Variants in RSL1D1 observed in about 807,000 individuals in gnomAD.
RSL1D1 encodes ribosomal L1 domain-containing protein 1.
Under a neutral mutation model 44.6 loss-of-function variants are expected in RSL1D1, and 34 were observed. The observed-to-expected ratio is 0.76, with a 90% confidence interval of 0.58 to 1.02. The LOEUF is 1.02. Ranked by LOEUF, RSL1D1 falls within the 50% of genes least tolerant of loss-of-function variation. The pLI, the probability that RSL1D1 is intolerant of heterozygous loss-of-function variation, is 0.00. For missense variants in RSL1D1, 767 were observed against 568.1 expected (o/e 1.35, Z -3.56); for synonymous variants, 271 against 207.4 (o/e 1.31, Z -2.63).
At position 11,839,933 on chromosome 16, in the gene RSL1D1, T is replaced by A. The variant is rs760774384; in HGVS notation, c.908A>T (p.Lys303Met). Residue 303 changes from lysine to methionine, a missense_variant, in exon 8 of 9, where the codon AAG becomes ATG. Physicochemically the swap from Lys to Met is moderately conservative, Grantham distance 95. Transcript: ENST00000571133. ...CTTCCTAGCCTGCTGCCTCTTCTTC[T>A]TCCTCTCCTTTTGTTTTTCAAAATT... ...ERNFEKQKER[K>M]KKRQQARKTA... 6.2e-7 allele frequency: 1 copy of A among 1,613,490 alleles called. No individual in the cohort carries two copies. The highest frequency in any genetic ancestry group is 8.5e-7 in the Non-Finnish European group (1 of 1,179,840).
At chr16:11,838,141 T>A (rs763366241) in intron 8 of RSL1D1, 28 bp from the exon 9 acceptor site, 5 of 1,522,238 alleles carry the variant, frequency 3.3e-6, no homozygotes, top group Admixed American at 2.2e-5. Context: ...AAGTTTAATA[T>A]AGAAAAAGCC....
chr16:11,835,764 AAAGCTGAGTGTTGGGAG>A lies in RSL1D1; in HGVS notation c.*2006_*2022del, dbSNP rs2053711823. 6.6e-6 allele frequency: 1 copy of A among 152,458 alleles called. No homozygotes were observed. The highest frequency in any genetic ancestry group is 1.5e-5 in the Non-Finnish European group (1 of 68,242). The allele number at this position is 152,458 out of a possible 1,614,324, so 9.4% of individuals were successfully genotyped here. A position where few individuals can be genotyped will look rare whatever the true frequency, so the allele number is the denominator to read the frequency against. ...CCAAAGTGCTGGGATTATGTTGCGA[AAAGCTGAGTGTTGGGAG>A]AAGCTGAGGCAGGGCTTGCATTCTG... On this transcript the variant is annotated 3_prime_UTR_variant, in exon 9 of 9. Coordinates refer to ENST00000571133, the MANE Select transcript of RSL1D1 (RefSeq NM_015659.3).
chr16:11,851,105 C>A lies in RSL1D1; in HGVS notation c.105+303G>T, dbSNP rs184891831. 3,222 of 447,740 alleles carry A rather than the reference C, an allele frequency of 7.2e-3. 21 individuals carry two copies. Among genetic ancestry groups the A allele is most frequent in the Non-Finnish European group, 0.01 (2,454 of 240,948 alleles). 27.7% of individuals were successfully genotyped at this position (447,740 alleles called of 1,614,324 possible). A position where few individuals can be genotyped will look rare whatever the true frequency, so the allele number is the denominator to read the frequency against. ...CTTTAAATAACGGGTAACAGACCTG[C>A]AAAACTAAGCGATTCGGTCAAGCGC... On this transcript the variant is annotated intron_variant, in intron 1 of 8. Transcript: ENST00000571133.
intron 3 of RSL1D1, among the ~76,000 whole-genome samples, chr16:11,847,232 G>A (rs944240819): frequency 3.3e-5 from 5 of 152,066 alleles, no homozygotes; most frequent in Admixed American, 6.6e-5. Context: ...AAAATTAGCC[G>A]GGCATGATGG....
In RSL1D1 at chr16:11,841,892, C is replaced by G; in HGVS notation, c.729+15G>C. On this transcript the variant is annotated intron_variant, in intron 6 of 8. Coordinates refer to ENST00000571133, the MANE Select transcript of RSL1D1 (RefSeq NM_015659.3). ...TTTAAATGAACAATCAATTGATGCA[C>G]CTGTAATACTGTACCTCTGGCAATT... 6.2e-7 allele frequency: 1 copy of G among 1,612,558 alleles called. No individual in the cohort carries two copies. Among genetic ancestry groups the G allele is most frequent in the Non-Finnish European group, 8.5e-7 (1 of 1,179,140 alleles).
intron 2 of RSL1D1, chr16:11,849,504 T>C (rs1452970728): frequency 6.6e-6 from 1 of 152,150 alleles, no homozygotes; most frequent in Admixed American, 6.6e-5. Context: ...TACAAGGGTT[T>C]AACTCATTTC....
At position 11,839,739 on chromosome 16, in the gene RSL1D1, G is replaced by T. The variant is rs1380922955; in HGVS notation, c.1102C>A (p.Leu368Met). 3.1e-6 allele frequency: 5 copies of T among 1,613,968 alleles called. No individual in the cohort carries two copies. The highest frequency in any genetic ancestry group is 3.4e-6 in the Non-Finnish European group (4 of 1,180,040). ...TNESEDEIPQ[L>M]VPIGKKTPAN... Reference sequence around the variant, plus strand: ...GGAGTCTTCTTTCCTATTGGTACCAGCTGTGGGATTTCGTCTTCGGATTCA... The same window carrying T: ...GGAGTCTTCTTTCCTATTGGTACCATCTGTGGGATTTCGTCTTCGGATTCA... The change falls in exon 8 of 9, where the codon CTG (leucine) becomes ATG (methionine). Residue 368 changes from leucine to methionine, a missense_variant. Coordinates refer to ENST00000571133, the MANE Select transcript of RSL1D1 (RefSeq NM_015659.3).
chr16:11,850,313 A>G lies in RSL1D1; in HGVS notation c.211T>C (p.Trp71Arg), dbSNP rs2053828140. 3 of 1,589,700 alleles carry G rather than the reference A, an allele frequency of 1.9e-6. No individual in the cohort carries two copies. The highest frequency in any genetic ancestry group is 1.4e-5 in the African/African-American group (1 of 73,284). Residue 71 changes from tryptophan (W) to arginine (R), a missense_variant, in exon 2 of 9, where the codon TGG becomes CGG. By Grantham distance (101) the Trp-to-Arg change is moderately radical. Coordinates refer to ENST00000571133, the MANE Select transcript of RSL1D1 (RefSeq NM_015659.3). ...NESLFLMVVLWKIPSKELRVR... is the reference protein window; with the variant it reads ...NESLFLMVVLRKIPSKELRVR... ...CTCAGTTCTTTACTTGGAATTTTCC[A>G]TAATACCACCATTAAAAATAAACTT...
chr16:11,841,445 T>TAA, intron 7 of RSL1D1: 1 of 324,834 alleles, frequency 3.1e-6, no homozygotes, highest in Non-Finnish European at 5.7e-6. Context: ...CTAACAAAAA[T>TAA]AAAAAAAAAA....
At position 11,836,213 on chromosome 16, in the gene RSL1D1, C is replaced by T. The variant is rs924900112; in HGVS notation, c.*1574G>A. Reference sequence around the variant, plus strand: ...CCAGAGCTCACGGCCTTCACAGCCTCCACCATCCCGATGGTCTGCTGGTCC... The same window carrying T: ...CCAGAGCTCACGGCCTTCACAGCCTTCACCATCCCGATGGTCTGCTGGTCC... On this transcript the variant is annotated 3_prime_UTR_variant, in exon 9 of 9. Coordinates refer to ENST00000571133, the MANE Select transcript of RSL1D1 (RefSeq NM_015659.3). 3.9e-5 allele frequency: 6 copies of T among 152,340 alleles called. No homozygotes were observed. In the South Asian group the frequency reaches 1.2e-3, roughly 32 times the overall value. 9.4% of individuals were successfully genotyped at this position (152,340 alleles called of 1,614,324 possible). A position where few individuals can be genotyped will look rare whatever the true frequency, so the allele number is the denominator to read the frequency against.
At chr16:11,847,612 A>G in intron 3 of RSL1D1, 56 bp downstream of exon 3, 1 of 1,419,162 alleles carries the variant, frequency 7.0e-7, no homozygotes, top group Admixed American at 2.1e-5. Context: ...TTGTGATACC[A>G]TTTCGCCTGA....
chr16:11,846,736 G>A lies in RSL1D1; in HGVS notation c.492C>T (p.Leu164=). The A allele has an allele frequency of 6.2e-7, 1 of 1,614,140 alleles. No individual in the cohort carries two copies. The highest frequency in any genetic ancestry group is 8.5e-7 in the Non-Finnish European group (1 of 1,180,010). ...AATGTCTCCCAATGAGTGAGGGTAA[G>A]AGCCGCCTAATTCTGGCATCAGTAA... is the stretch of plus-strand genomic sequence containing the variant. The part of the protein sequence containing the change: ...FFLTDARIRR[L]LPSLIGRHFY... Residue 164 remains leucine (L), a synonymous_variant, in exon 4 of 9, where the codon CTC becomes CTT. Coordinates refer to ENST00000571133, the MANE Select transcript of RSL1D1 (RefSeq NM_015659.3).
intron 8 of RSL1D1, among the ~76,000 whole-genome samples, chr16:11,839,257 T>C (rs1196852421): frequency 6.6e-6 from 1 of 151,682 alleles, no homozygotes; most frequent in Non-Finnish European, 1.5e-5. Context: ...TCCCAGCTAC[T>C]CGGGAGGCTG....
intron 8 of RSL1D1, among the ~76,000 whole-genome samples, chr16:11,839,260 G>A (rs1244423718): frequency 6.6e-6 from 1 of 152,046 alleles, no homozygotes; most frequent in Admixed American, 6.6e-5. Context: ...CAGCTACTCG[G>A]GAGGCTGAGG....
At position 11,847,751 on chromosome 16, in the gene RSL1D1, C is replaced by A; in HGVS notation, c.301G>T (p.Asp101Tyr). 6.2e-7 allele frequency: 1 copy of A among 1,613,234 alleles called. No individual in the cohort carries two copies. The highest frequency in any genetic ancestry group is 1.1e-5 in the South Asian group (1 of 91,036). Residue 101 changes from aspartate (D) to tyrosine (Y), a missense_variant, in exon 3 of 9, where the codon GAT becomes TAT. Asp to Tyr is a radical substitution (Grantham distance 160). Coordinates refer to ENST00000571133, the MANE Select transcript of RSL1D1 (RefSeq NM_015659.3). ...DSEDICLFTK[D>Y]EPNSTPEKTE... ...TTTTCAGGAGTTGAATTGGGTTCAT[C>A]CTTCGTAAATAAACAGATATCTTCT...
chr16:11,849,841 TTTTA>T (rs1441645160), intron 2 of RSL1D1, among the ~76,000 whole-genome samples: 1 of 151,954 alleles, frequency 6.6e-6, no homozygotes, highest in African/African-American at 2.4e-5. Flanking sequence ...TCTACGGTTC[TTTTA>T]TTTTTTATTA....
chr16:11,847,767 G>A lies in RSL1D1; in HGVS notation c.285C>T (p.Ile95=), dbSNP rs776511142. 7 of 1,613,424 alleles carry A rather than the reference G, an allele frequency of 4.3e-6. No individual in the cohort carries two copies. The highest frequency in any genetic ancestry group is 5.9e-6 in the Non-Finnish European group (7 of 1,179,584). Residue 95 remains isoleucine (I), a synonymous_variant, in exon 3 of 9, where the codon ATC becomes ATT. Transcript: ENST00000571133. ...TGGGTTCATCCTTCGTAAATAAACAGATATCTTCTGAATCTGATCGAATAC... is the reference window on the plus strand; with the variant it reads ...TGGGTTCATCCTTCGTAAATAAACAAATATCTTCTGAATCTGATCGAATAC... ...PHSIRSDSED[I]CLFTKDEPNS...
rs2053717197 is a variant in RSL1D1 at position 11,836,275 on chromosome 16, G to C, written c.*1512C>G. 1 of 152,082 alleles carries C rather than the reference G, an allele frequency of 6.6e-6. No individual in the cohort carries two copies. Among genetic ancestry groups the C allele is most frequent in the South Asian group, 2.1e-4 (1 of 4,828 alleles). 9.4% of individuals were successfully genotyped at this position (152,082 alleles called of 1,614,324 possible). ...CAAACTGTCTTTTTCTCAATCCTTT[G>C]ACTCCACTGGACTTTGTCACCCCCA... On this transcript the variant is annotated 3_prime_UTR_variant, in exon 9 of 9. Coordinates refer to ENST00000571133, the MANE Select transcript of RSL1D1 (RefSeq NM_015659.3).
chr16:11,842,884 T>C (rs1033391058), intron 5 of RSL1D1, among the ~76,000 whole-genome samples: 5 of 151,350 alleles, frequency 3.3e-5, no homozygotes, highest in African/African-American at 1.2e-4. Flanking sequence ...GCCTCCCTAG[T>C]AGCTGAGATT....
Sources: gnomAD v4.1 joint callset for allele counts (sites outside exome capture counted in the v4.1 genomes callset) on GRCh38, gnomAD v4.1.1 for gene constraint, MANE v1.5 for transcripts, NCBI Gene and HGNC (gene_info 2026-07-23, HGNC 2026-07-21) for gene names.